BTG4: variants seen among roughly 807,000 people sequenced by gnomAD.
BTG4 encodes the protein protein BTG4.
BTG4 carries 10 observed loss-of-function variants against 19.3 expected under a neutral mutation model. The ratio of observed to expected loss-of-function variants is 0.52; its 90% confidence interval spans 0.32 to 0.88. The LOEUF (loss-of-function observed/expected upper bound fraction) is 0.88. BTG4 is among the 40% of genes least tolerant of loss of function. BTG4 has a pLI of 0.04. For missense variants in BTG4, 238 were observed against 281.9 expected (o/e 0.84, Z 1.11); for synonymous variants, 91 against 95.7 (o/e 0.95, Z 0.29).
chr11:111,385,169 C>T, the BTG4 span: 1 of 152,054 alleles, frequency 6.6e-6, no homozygotes, highest in East Asian at 1.9e-4. Context: ...GTTAAACATT[C>T]TGTTTAACTT....
intron 1 of BTG4, among the ~76,000 whole-genome samples, chr11:111,508,399 A>T (rs2135735735): frequency 6.6e-6 from 1 of 151,104 alleles, no homozygotes; most frequent in South Asian, 2.1e-4. Context: ...ACAGAAACGT[A>T]TGAGCAGGCA....
chr11:111,427,200 C>T, the BTG4 span, among the ~76,000 whole-genome samples: 1 of 152,216 alleles, frequency 6.6e-6, no homozygotes, highest in Non-Finnish European at 1.5e-5. Context: ...CAGTTCTCTA[C>T]CCATCTCAGC....
chr11:111,439,322 AGTT>A, the BTG4 span, among the ~76,000 whole-genome samples: 1 of 152,146 alleles, frequency 6.6e-6, no homozygotes, highest in Non-Finnish European at 1.5e-5. Context: ...CACAGGCCCC[AGTT>A]GTTGTGGTTT....
At chr11:111,441,796 C>T in the BTG4 span, among the ~76,000 whole-genome samples, 19 of 152,256 alleles carry the variant, frequency 1.2e-4, no homozygotes, top group Non-Finnish European at 2.1e-4. Context: ...TGGTGGCTCA[C>T]GCCTGTAATC....
the BTG4 span, among the ~76,000 whole-genome samples, chr11:111,422,604 T>C: frequency 6.6e-6 from 1 of 152,162 alleles, no homozygotes; most frequent in Admixed American, 6.5e-5. Flanking sequence ...GGGCATCAAG[T>C]GCACAGGAAG....
upstream of BTG4, chr11:111,513,438 G>T (rs80067849): frequency 9.4e-6 from 5 of 534,428 alleles, no homozygotes; most frequent in Admixed American, 9.7e-5. Flanking sequence ...TTTTTTCTAT[G>T]AGTCTAGTTA....
chr11:111,494,997 G>A lies in BTG4; in HGVS notation c.*138C>T. 4.1e-6 allele frequency: 4 copies of A among 985,276 alleles called. No homozygotes were observed. The highest frequency in any genetic ancestry group is 1.1e-4 in the East Asian group (1 of 8,806). The allele number at this position is 985,276 out of a possible 1,614,324, so 61.0% of individuals were successfully genotyped here. On this transcript the variant is annotated 3_prime_UTR_variant, in exon 5 of 5. Transcript: ENST00000692032. ...AGAACAGTGATGATCTGTATGAGAGGATTTACCATTGTGTACCCTAGTCCC... is the reference window on the plus strand; with the variant it reads ...AGAACAGTGATGATCTGTATGAGAGAATTTACCATTGTGTACCCTAGTCCC...
the BTG4 span, among the ~76,000 whole-genome samples, chr11:111,437,395 A>T: frequency 6.6e-6 from 1 of 151,944 alleles, no homozygotes; most frequent in South Asian, 2.1e-4. Flanking sequence ...GAGTCCAGGG[A>T]CTCCTGCCAG....
chr11:111,495,453 A>G (rs1865664309), intron 4 of BTG4, 139 bp from the exon 5 acceptor site: 1 of 678,024 alleles, frequency 1.5e-6, no homozygotes, highest in African/African-American at 1.9e-5. Flanking sequence ...ATCTTTGAAA[A>G]AAATTTCTAG....
intron 5 of BTG4, among the ~76,000 whole-genome samples, chr11:111,485,445 C>G (rs1170611265): frequency 6.6e-6 from 1 of 152,004 alleles, no homozygotes; most frequent in Non-Finnish European, 1.5e-5. Context: ...AAATCAATAA[C>G]AAAGGAAACT....
At chr11:111,421,852 G>A in the BTG4 span, among the ~76,000 whole-genome samples, 56 of 152,236 alleles carry the variant, frequency 3.7e-4, no homozygotes, top group African/African-American at 1.3e-3. Context: ...AGCAGAGGTT[G>A]CAGTGAGCCA....
Position 111,476,348 on chromosome 11 carries a change from A to T in BTG4, c.663-8667T>A, listed in dbSNP as rs1352929957. Among the ~76,000 whole-genome samples, 3 of 152,178 alleles carry T rather than the reference A, an allele frequency of 2.0e-5. No individual in the cohort carries two copies. The East Asian group carries it at 5.8e-4, about 29-fold the overall frequency. ...GTAGGTCTTTTGTCATAATTAAGAG[A>T]CATCCATACATGGCTGAGGATTTAG... On this transcript the variant is annotated intron_variant, in intron 5 of 5. Coordinates refer to the BTG4 transcript ENST00000356018.
chr11:111,498,074 T>C lies in BTG4; in HGVS notation c.235A>G (p.Ser79Gly), dbSNP rs780431752. The C allele has an allele frequency of 1.9e-6, 3 of 1,614,162 alleles. No individual in the cohort carries two copies. The Admixed American group carries it at 5.0e-5, about 27-fold the overall frequency. Residue 79 changes from serine to glycine, a missense_variant, in exon 3 of 5, where the codon AGT (serine) becomes GGT (glycine). Physicochemically the swap from Ser to Gly is moderately conservative, Grantham distance 56. Coordinates refer to ENST00000692032, the MANE Select transcript of BTG4 (RefSeq NM_001367975.1). ...DPILERACVESNVDFSHLGLP... is the reference protein window; with the variant it reads ...DPILERACVEGNVDFSHLGLP... ...CCCAGGTGAGAAAAATCTACATTAC[T>C]TTCCACACATGCCCTTTCTAGAATG...
intron 5 of BTG4, among the ~76,000 whole-genome samples, chr11:111,486,016 C>A (rs781435726): frequency 6.6e-6 from 1 of 152,186 alleles, no homozygotes; most frequent in Non-Finnish European, 1.5e-5. Context: ...CTTAGACATA[C>A]AACCTGTCAA....
chr11:111,514,189 T>C (rs951899967), upstream of BTG4: 2 of 155,914 alleles, frequency 1.3e-5, no homozygotes, highest in Non-Finnish European at 2.8e-5. Context: ...ATGCAACTTT[T>C]AGTGGGAGTG....
rs527431784 is a variant in BTG4 at position 111,480,212 on chromosome 11, C to T, written c.663-12531G>A. Among the ~76,000 whole-genome samples the T allele has an allele frequency of 3.3e-5, 5 of 151,922 alleles. No individual in the cohort carries two copies. In the South Asian group the frequency reaches 6.3e-4, roughly 19 times the overall value. The stretch of plus-strand genomic sequence containing the variant: ...TGGCTATATTAATATCAGATAAAGC[C>T]GACATCACAGCAAAGTAGATTACCA... On this transcript the variant is annotated intron_variant, in intron 5 of 5. Transcript: ENST00000356018.
chr11:111,407,833 T>C, the BTG4 span, among the ~76,000 whole-genome samples: 1 of 152,214 alleles, frequency 6.6e-6, no homozygotes, highest in Admixed American at 6.5e-5. Context: ...GGCAGTTCCA[T>C]GGTGGAGCCC....
chr11:111,470,634 TTGCCAGG>T (rs1263724949), intron 5 of BTG4, among the ~76,000 whole-genome samples: 1 of 152,148 alleles, frequency 6.6e-6, no homozygotes, highest in Admixed American at 6.5e-5. Context: ...TAAAGCACTT[TTGCCAGG>T]TGCAGTAGTT....
At chr11:111,450,963 G>A in the BTG4 span, 1 of 156,102 alleles carries the variant, frequency 6.4e-6, no homozygotes, top group Non-Finnish European at 1.4e-5. Context: ...TCTTACCTAG[G>A]AAAGTCTAGG....
Sources: gnomAD v4.1 joint callset for allele counts (sites outside exome capture counted in the v4.1 genomes callset) on GRCh38, gnomAD v4.1.1 for gene constraint, MANE v1.5 for transcripts, NCBI Gene and HGNC (gene_info 2026-07-23, HGNC 2026-07-21) for gene names.